The following KIAA0825 variants were observed in gnomAD, a reference collection of about 807,000 sequenced individuals.
KIAA0825 encodes the protein KIAA0825, also known as uncharacterized protein KIAA0825.
KIAA0825 carries 119 observed loss-of-function variants against 147.6 expected under a neutral mutation model. The ratio of observed to expected loss-of-function variants is 0.81; its 90% CI spans 0.69 to 0.94. The LOEUF (loss-of-function observed/expected upper bound fraction) is 0.94, where lower values mean the gene tolerates loss of function less well. Ranked by LOEUF, KIAA0825 falls within the 40% of genes least tolerant of loss-of-function variation. The pLI is 0.00. For missense variants in KIAA0825, 1,381 were observed against 1,472.7 expected (o/e 0.94, Z 1.02); for synonymous variants, 470 against 518.1 (o/e 0.91, Z 1.26).
chr5:94,423,376 T>C (rs533712723), intron 14 of KIAA0825, among the ~76,000 whole-genome samples: 4 of 152,328 alleles, frequency 2.6e-5, no homozygotes, highest in Admixed American at 1.3e-4. Flanking sequence ...TCAATAACAC[T>C]GAAGGGCTCT....
intron 20 of KIAA0825, among the ~76,000 whole-genome samples, chr5:94,314,428 CAAGGCACCATGTTAAAAACA>C (rs570957274): frequency 6.6e-6 from 1 of 151,724 alleles, no homozygotes; most frequent in African/African-American, 2.4e-5. Context: ...GCACCAAACT[CAAGGCACCATGTTAAAAACA>C]AAGGCATCTA....
intron 20 of KIAA0825, among the ~76,000 whole-genome samples, chr5:94,180,514 C>T (rs1443939183): frequency 6.6e-6 from 1 of 152,034 alleles, no homozygotes; most frequent in African/African-American, 2.4e-5. Flanking sequence ...AGGTTAATTT[C>T]TTAGTTTTGA....
At chr5:94,356,574 G>A (rs553199239) in intron 20 of KIAA0825, among the ~76,000 whole-genome samples, 13 of 151,132 alleles carry the variant, frequency 8.6e-5, no homozygotes, top group Admixed American at 2.0e-4. Context: ...TTGCGCCACC[G>A]GACTCCAGCC....
intron 20 of KIAA0825, among the ~76,000 whole-genome samples, chr5:94,225,314 A>G (rs1162404264): frequency 6.6e-6 from 1 of 152,236 alleles, no homozygotes; most frequent in Non-Finnish European, 1.5e-5. Flanking sequence ...TGAGAAGACA[A>G]AGGAGAAGAT....
intron 15 of KIAA0825, among the ~76,000 whole-genome samples, chr5:94,404,999 C>T (rs1420099230): frequency 6.6e-6 from 1 of 152,106 alleles, no homozygotes; most frequent in African/African-American, 2.4e-5. Flanking sequence ...ACAAATACTT[C>T]ACAGCTGAGC....
chr5:94,395,679 G>T (rs2150579350), intron 17 of KIAA0825, among the ~76,000 whole-genome samples: 1 of 152,138 alleles, frequency 6.6e-6, no homozygotes, highest in South Asian at 2.1e-4. Context: ...TGACAATCAG[G>T]TACACAGAAA....
chr5:94,153,960 TAC>T lies in KIAA0825; in HGVS notation c.*45_*46del, dbSNP rs1187850061. ...ACTATGGTAAAAAATCCTACTCCATTACATGGGATTGTTTCCTAAAATAAAGC... is the reference window on the plus strand; with the variant it reads ...ACTATGGTAAAAAATCCTACTCCATTATGGGATTGTTTCCTAAAATAAAGC... On this transcript the variant is annotated 3_prime_UTR_variant, in exon 21 of 21. Transcript: ENST00000682413. 3 of 1,316,328 alleles carry T rather than the reference TAC, an allele frequency of 2.3e-6. No homozygotes were observed. Among genetic ancestry groups the T allele is most frequent in the Non-Finnish European group, 3.2e-6 (3 of 933,210 alleles). The allele number at this position is 1,316,328 out of a possible 1,614,324, so 81.5% of individuals were successfully genotyped here. A position where few individuals can be genotyped will look rare whatever the true frequency, so the allele number is the denominator to read the frequency against.
At chr5:94,255,048 CA>C (rs993618554) in intron 20 of KIAA0825, among the ~76,000 whole-genome samples, 4 of 151,480 alleles carry the variant, frequency 2.6e-5, no homozygotes, top group Admixed American at 6.6e-5. Flanking sequence ...TGTTATTAAT[CA>C]TTTTTTTTGC....
intron 14 of KIAA0825, among the ~76,000 whole-genome samples, chr5:94,427,288 C>T (rs1682812462): frequency 6.6e-6 from 1 of 152,120 alleles, no homozygotes. Context: ...AATCACGGGA[C>T]TTTGGGAGGT....
In KIAA0825 at chr5:94,537,096, A is replaced by T. The variant is rs1367016038; in HGVS notation, c.31T>A (p.Ser11Thr). The T allele has an allele frequency of 1.2e-6, 2 of 1,611,510 alleles. No homozygotes were observed. The highest frequency in any genetic ancestry group is 1.3e-5 in the African/African-American group (1 of 74,840). The part of the protein sequence containing the change: MDWDDEYSHN[S>T]FDLHCLLNSF... ...TTTAACAAACAATGTAGGTCAAAAG[A>T]ATTATGAGAATATTCATCATCCCAA... The change falls in exon 3 of 21, where the codon TCT becomes ACT. Residue 11 changes from serine to threonine, a missense_variant. Physicochemically the swap from Ser to Thr is moderately conservative, Grantham distance 58. Transcript: ENST00000682413.
chr5:94,536,209 G>C (rs993735784), intron 3 of KIAA0825, among the ~76,000 whole-genome samples: 1 of 152,034 alleles, frequency 6.6e-6, no homozygotes, highest in East Asian at 1.9e-4. Flanking sequence ...CTATTCTCAC[G>C]TAAAGCAGAA....
At chr5:94,580,306 A>C (rs891305815) in intron 2 of KIAA0825, among the ~76,000 whole-genome samples, 1 of 152,196 alleles carries the variant, frequency 6.6e-6, no homozygotes, top group Non-Finnish European at 1.5e-5. Flanking sequence ...AAAGTCAATA[A>C]ATAATTTGCC....
chr5:94,152,834 AAAAAAAAAAAAAAAAAAAAAAT>A lies in KIAA0825; in HGVS notation c.*1151_*1172del, dbSNP rs1766602241. The A allele has an allele frequency of 3.7e-5, 1 of 26,820 alleles. No individual in the cohort carries two copies. Among genetic ancestry groups the A allele is most frequent in the African/African-American group, 1.3e-4 (1 of 7,678 alleles). The allele number at this position is 26,820 out of a possible 1,614,324, so 1.7% of individuals were successfully genotyped here. ...TGTTTCTAAAATGAAAAAAAAAAAA[AAAAAAAAAAAAAAAAAAAAAAT>A]TATATATATATATATATATATATAT... On this transcript the variant is annotated 3_prime_UTR_variant, in exon 21 of 21. Transcript: ENST00000682413.
At chr5:94,512,139 G>T (rs549200743) in intron 5 of KIAA0825, among the ~76,000 whole-genome samples, 38 of 152,184 alleles carry the variant, frequency 2.5e-4, no homozygotes, top group African/African-American at 9.1e-4. Context: ...TCACAAGAAA[G>T]AATGTTGTGG....
In KIAA0825 at chr5:94,182,250, C is replaced by CTTTTTTTTTTTTTTTTTTTTTTTTTT. The variant is rs771486226; in HGVS notation, c.3711-28152_3711-28127dup. Among the ~76,000 whole-genome samples, 17 of 38,276 alleles carry CTTTTTTTTTTTTTTTTTTTTTTTTTT rather than the reference C, an allele frequency of 4.4e-4. 7 individuals are homozygous for CTTTTTTTTTTTTTTTTTTTTTTTTTT. The highest frequency in any genetic ancestry group is 8.9e-4 in the African/African-American group (8 of 9,020). The allele number at this position is 38,276 out of a possible 152,430, so 25.1% of individuals were successfully genotyped here. A position where few individuals can be genotyped will look rare whatever the true frequency, so the allele number is the denominator to read the frequency against. On this transcript the variant is annotated intron_variant, in intron 20 of 20. Coordinates refer to ENST00000682413, the MANE Select transcript of KIAA0825 (RefSeq NM_001145678.3). ...CAAGACATAACTTAAAATGTCCCTT[C>CTTTTTTTTTTTTTTTTTTTTTTTTTT]TTTTTTTTTTTTTTTTTTTTTTTTT...
At chr5:94,253,999 C>T (rs1378053620) in intron 20 of KIAA0825, among the ~76,000 whole-genome samples, 6 of 152,100 alleles carry the variant, frequency 3.9e-5, no homozygotes, top group East Asian at 1.9e-4. Context: ...GAGCAAGAGA[C>T]GCGTAAGAGC....
intron 2 of KIAA0825, among the ~76,000 whole-genome samples, chr5:94,578,693 G>A (rs72771700): frequency 2.1e-4 from 32 of 152,052 alleles, no homozygotes; most frequent in Admixed American, 2.0e-3. Flanking sequence ...TATTTTAAAA[G>A]ATACTTAATT....
chr5:94,296,516 C>T (rs548824530), intron 20 of KIAA0825, among the ~76,000 whole-genome samples: 3 of 152,282 alleles, frequency 2.0e-5, no homozygotes, highest in Admixed American at 2.0e-4. Context: ...GTGCTTGAAT[C>T]CCAGGGCCTT....
chr5:94,577,049 G>C (rs1166264418), intron 2 of KIAA0825, among the ~76,000 whole-genome samples: 4 of 152,090 alleles, frequency 2.6e-5, no homozygotes, highest in Non-Finnish European at 5.9e-5. Context: ...CTTAATACTT[G>C]CTCTTACATT....
Sources: gnomAD v4.1 joint callset for allele counts (sites outside exome capture counted in the v4.1 genomes callset) on GRCh38, gnomAD v4.1.1 for gene constraint, MANE v1.5 for transcripts, NCBI Gene and HGNC (gene_info 2026-07-23, HGNC 2026-07-21) for gene names.